The following MBNL1 variants were observed in gnomAD, a reference collection of about 807,000 sequenced individuals.
MBNL1 encodes muscleblind-like protein 1.
Under a neutral mutation model 42.2 loss-of-function variants are expected in MBNL1, and 8 were observed. That is an observed-to-expected ratio of 0.19 (90% CI 0.11 to 0.34). The LOEUF is 0.34. MBNL1 is among the 10% of genes least tolerant of loss of function. MBNL1 has a pLI of 1.00. For synonymous variants in MBNL1, 169 were observed against 173.9 expected, an observed-to-expected ratio of 0.97 and a Z score of 0.22; for missense variants, 309 against 495.3, an observed-to-expected ratio of 0.62 and a Z score of 3.57.
chr3:152,412,084 T>A (rs191632480), intron 2 of MBNL1, among the ~76,000 whole-genome samples: 1 of 152,310 alleles, frequency 6.6e-6, no homozygotes, highest in East Asian at 1.9e-4. Flanking sequence ...AGTATTTACC[T>A]TAACTCTCAA....
At chr3:152,326,335 A>G (rs1171421016) in intron 2 of MBNL1, among the ~76,000 whole-genome samples, 32 of 152,112 alleles carry the variant, frequency 2.1e-4, no homozygotes, top group Admixed American at 2.1e-3. Context: ...ATTTCCTGGA[A>G]GGTTCTGTAT....
chr3:152,249,469 GT>G (rs2034066233), intron 2 of MBNL1, among the ~76,000 whole-genome samples: 1 of 103,398 alleles, frequency 9.7e-6, no homozygotes, highest in African/African-American at 3.1e-5. Context: ...GGGGTTGTTT[GT>G]TTTTTTCTTG....
intron 1 of MBNL1, among the ~76,000 whole-genome samples, chr3:152,273,367 A>G (rs972614554): frequency 8.3e-6 from 1 of 119,806 alleles, no homozygotes; most frequent in Admixed American, 8.0e-5. Flanking sequence ...ATCCTTGAGG[A>G]AAAAAATAGT....
intron 1 of MBNL1, among the ~76,000 whole-genome samples, chr3:152,283,530 ATAAGATT>A (rs1458904414): frequency 1.3e-5 from 2 of 152,210 alleles, no homozygotes; most frequent in African/African-American, 4.8e-5. Flanking sequence ...AGTTTATTTA[ATAAGATT>A]TCTTCAGATC....
At chr3:152,297,198 T>A (rs774152852) in intron 1 of MBNL1, among the ~76,000 whole-genome samples, 1 of 151,010 alleles carries the variant, frequency 6.6e-6, no homozygotes, top group Non-Finnish European at 1.5e-5. Flanking sequence ...TAATTCTTAA[T>A]GCAGAACAAA....
chr3:152,315,866 ACTCTCTCT>A lies in MBNL1; in HGVS notation c.174+15513_174+15520del, dbSNP rs113762203. 3.5e-3 allele frequency among the ~76,000 whole-genome samples: 520 copies of A among 149,190 alleles called. 1 individual carries two copies. Among genetic ancestry groups the A allele is most frequent in the South Asian group, 0.014 (63 of 4,600 alleles). ...TGTGAACACACACACACACACACAC[ACTCTCTCT>A]CTCTCTCTCTCTCACTCCTCTCTCT... On this transcript the variant is annotated intron_variant, in intron 2 of 9. Transcript: ENST00000324210.
intron 2 of MBNL1, chr3:152,337,989 A>AT (rs11421030): frequency 0.28 from 183,292 of 661,586 alleles, 15,797 homozygotes; most frequent in East Asian, 0.52. Context: ...GCACCCTGGG[A>AT]TTTTTTTTTT....
intron 2 of MBNL1, among the ~76,000 whole-genome samples, chr3:152,306,459 G>A (rs1010187460): frequency 6.6e-6 from 1 of 152,104 alleles, no homozygotes; most frequent in African/African-American, 2.4e-5. Context: ...CCTTAGTCTA[G>A]CAGGACGCAG....
chr3:152,439,626 T>C (rs1192494103), intron 4 of MBNL1, among the ~76,000 whole-genome samples: 1 of 152,220 alleles, frequency 6.6e-6, no homozygotes, highest in African/African-American at 2.4e-5. Flanking sequence ...TTAAACAATT[T>C]AATACACTAT....
intron 6 of MBNL1, among the ~76,000 whole-genome samples, chr3:152,452,663 C>T (rs1725678618): frequency 6.6e-6 from 1 of 152,124 alleles, no homozygotes; most frequent in South Asian, 2.1e-4. Context: ...GGCTACCTAC[C>T]CAGCTACCTG....
upstream of MBNL1, chr3:152,265,794 G>T (rs1353995504): frequency 6.6e-6 from 1 of 152,004 alleles, no homozygotes; most frequent in Non-Finnish European, 1.5e-5. Context: ...ACCCATAAAT[G>T]ACCTTCTTTT....
chr3:152,307,375 T>C lies in MBNL1; in HGVS notation c.174+7008T>C, dbSNP rs1185567951. ...GTCATTAAAAACAGGTCCCAAGTGA[T>C]TTTATATGACAAAAGAATCTGCACT... On this transcript the variant is annotated intron_variant, in intron 2 of 9. Transcript: ENST00000324210. 3.9e-5 allele frequency among the ~76,000 whole-genome samples: 6 copies of C among 152,230 alleles called. No individual in the cohort carries two copies. The South Asian group carries it at 8.3e-4, about 21-fold the overall frequency.
At chr3:152,326,009 TAAAAG>T (rs2079796711) in intron 2 of MBNL1, among the ~76,000 whole-genome samples, 1 of 152,180 alleles carries the variant, frequency 6.6e-6, no homozygotes, top group Non-Finnish European at 1.5e-5. Context: ...TGTAGCATGT[TAAAAG>T]AAGTCTCAGA....
chr3:152,446,432 C>CT (rs1040271160), intron 5 of MBNL1, among the ~76,000 whole-genome samples: 23 of 149,148 alleles, frequency 1.5e-4, no homozygotes, highest in East Asian at 2.0e-4. Context: ...TCCTTTCACT[C>CT]TTTTTTTTTT....
intron 4 of MBNL1, among the ~76,000 whole-genome samples, chr3:152,442,729 A>G (rs1037736627): frequency 1.3e-5 from 2 of 152,188 alleles, no homozygotes; most frequent in South Asian, 2.1e-4. Flanking sequence ...GATGATGTCT[A>G]TTAGGGAAAA....
At chr3:152,389,553 C>T (rs180845505) in intron 2 of MBNL1, among the ~76,000 whole-genome samples, 3 of 152,288 alleles carry the variant, frequency 2.0e-5, no homozygotes, top group Admixed American at 2.0e-4. Context: ...TGCTTCTAGG[C>T]TGGAAACCTG....
chr3:152,359,753 C>T (rs574567739), intron 2 of MBNL1, among the ~76,000 whole-genome samples: 113 of 152,266 alleles, frequency 7.4e-4, no homozygotes, highest in Non-Finnish European at 1.2e-3. Context: ...AGCATAGGTG[C>T]TCCAGGCCCT....
chr3:152,416,112 T>C (rs1055876503), intron 3 of MBNL1, among the ~76,000 whole-genome samples: 2 of 152,222 alleles, frequency 1.3e-5, no homozygotes, highest in Admixed American at 6.5e-5. Context: ...TGCTGTTTTT[T>C]TTCCGAATAC....
chr3:152,442,098 ATATTTT>A (rs1230257953), intron 4 of MBNL1, among the ~76,000 whole-genome samples: 3 of 152,168 alleles, frequency 2.0e-5, no homozygotes, highest in African/African-American at 7.2e-5. Context: ...CAGTCAGAAA[ATATTTT>A]TATGTGTTGA....
Sources: allele counts gnomAD v4.1 joint callset (sites outside exome capture counted in the v4.1 genomes callset), GRCh38; gene constraint gnomAD v4.1.1; transcripts MANE v1.5; gene names NCBI Gene and HGNC (gene_info 2026-07-23, HGNC 2026-07-21).